The following SNX14 variants were observed in gnomAD, a reference collection of about 807,000 sequenced individuals.
SNX14 encodes sorting nexin-14.
SNX14 carries 93 observed loss-of-function variants against 133.8 expected under a neutral mutation model. The ratio of observed to expected loss-of-function variants is 0.70; its 90% CI spans 0.59 to 0.83. The LOEUF is 0.83. Among genes scored for constraint, SNX14 ranks in the 40% least tolerant of loss-of-function variants. The probability of loss-of-function intolerance (pLI) is 0.00; values close to 1 mark genes in which losing one functional copy is unlikely to be tolerated. For synonymous variants in SNX14, 368 were observed against 365.6 expected (o/e 1.01, Z -0.07); for missense variants, 945 against 1,094.9 (o/e 0.86, Z 1.93).
Position 85,533,804 on chromosome 6 carries a change from G to C in SNX14, c.1609-4C>G. 1 of 1,606,466 alleles carries C rather than the reference G, an allele frequency of 6.2e-7. No homozygotes were observed. Among genetic ancestry groups the C allele is most frequent in the East Asian group, 2.2e-5 (1 of 44,816 alleles). On this transcript the variant is annotated splice_region_variant and splice_polypyrimidine_tract_variant and intron_variant, in intron 17 of 28. Transcript: ENST00000314673. ...TTACAACAATACCTTCTTCAATCTG[G>C]AAAAAAATTACCAGGATGAATTTAA...
intron 1 of SNX14, chr6:85,589,709 C>T (rs59510078): frequency 6.6e-6 from 1 of 152,330 alleles, no homozygotes; most frequent in African/African-American, 2.4e-5. Flanking sequence ...CCTTGATTGG[C>T]TCTGGTGTAA....
intron 1 of SNX14, among the ~76,000 whole-genome samples, chr6:85,583,275 T>A (rs572347917): frequency 4.6e-5 from 7 of 152,322 alleles, no homozygotes; most frequent in Admixed American, 2.0e-4. Flanking sequence ...ATAAGAGTTA[T>A]TTATGACAAA....
At chr6:85,574,407 A>T (rs1356397664) in intron 1 of SNX14, 29 bp from the exon 2 acceptor site, 4 of 1,462,316 alleles carry the variant, frequency 2.7e-6, no homozygotes, top group Non-Finnish European at 3.7e-6. Flanking sequence ...TAATTATTAC[A>T]ACCAAAGAAA....
At chr6:85,574,185 A>AGCAG in intron 2 of SNX14, 73 bp downstream of exon 2, 1 of 1,179,888 alleles carries the variant, frequency 8.5e-7, no homozygotes, top group Non-Finnish European at 1.1e-6. Flanking sequence ...ATACTGCTTT[A>AGCAG]GCAGGCTTTC....
rs377191470 is a variant in SNX14 at position 85,547,570 on chromosome 6, A to C, written c.868-20T>G. 1 of 1,556,050 alleles carries C rather than the reference A, an allele frequency of 6.4e-7. No homozygotes were observed. The highest frequency in any genetic ancestry group is 8.7e-7 in the Non-Finnish European group (1 of 1,146,616). Reference sequence around the variant, plus strand: ...AGTATCCTAGTGGAAAATAATAAACATAAGTCAAAATAATTCCACTACTGT... The same window carrying C: ...AGTATCCTAGTGGAAAATAATAAACCTAAGTCAAAATAATTCCACTACTGT... On this transcript the variant is annotated intron_variant, in intron 9 of 28. Transcript: ENST00000314673.
intron 26 of SNX14, chr6:85,508,262 C>G (rs1668638083): frequency 9.2e-6 from 11 of 1,193,048 alleles, no homozygotes; most frequent in Non-Finnish European, 1.1e-5. Context: ...ATCATGTATC[C>G]CATTTTTGGA....
At position 85,550,985 on chromosome 6, in the gene SNX14, T is replaced by C. The variant is rs1195662927; in HGVS notation, c.635-1106A>G. Among the ~76,000 whole-genome samples the C allele has an allele frequency of 2.6e-5, 4 of 152,222 alleles. No homozygotes were observed. The Middle Eastern group carries it at 0.01, about 388-fold the overall frequency. ...TTGTAGAGACAGGGTTTCACCATGT[T>C]GGCCAGGCTGGTCTGGAACTCCTGA... On this transcript the variant is annotated intron_variant, in intron 7 of 28. Transcript: ENST00000314673.
intron 12 of SNX14, among the ~76,000 whole-genome samples, chr6:85,546,732 G>A (rs149838777): frequency 0.01 from 1,562 of 152,196 alleles, 25 homozygotes; most frequent in African/African-American, 0.035. Flanking sequence ...GGAGGCCGAG[G>A]TGGGTGGATC....
intron 1 of SNX14, among the ~76,000 whole-genome samples, chr6:85,586,741 C>CT (rs996162088): frequency 7.3e-4 from 111 of 151,306 alleles, no homozygotes; most frequent in Non-Finnish European, 1.1e-3. Context: ...ACTTTTTTTT[C>CT]TTTTTTTGGT....
chr6:85,587,497 C>T (rs571215689), intron 1 of SNX14, among the ~76,000 whole-genome samples: 2 of 152,282 alleles, frequency 1.3e-5, no homozygotes, highest in African/African-American at 4.8e-5. Flanking sequence ...CAGAGTCTCG[C>T]TCTGTCATCC....
At chr6:85,547,927 A>G (rs1437671839) in intron 9 of SNX14, among the ~76,000 whole-genome samples, 1 of 152,220 alleles carries the variant, frequency 6.6e-6, no homozygotes, top group African/African-American at 2.4e-5. Flanking sequence ...AAAAGGAAGG[A>G]AATTCTGACA....
intron 7 of SNX14, among the ~76,000 whole-genome samples, chr6:85,554,893 C>G (rs1300014052): frequency 6.6e-6 from 1 of 151,984 alleles, no homozygotes; most frequent in South Asian, 2.1e-4. Context: ...GATCATAGCT[C>G]ACTGCAGTCT....
intron 21 of SNX14, among the ~76,000 whole-genome samples, 187 bp from the exon 22 acceptor site, chr6:85,518,235 T>A (rs1017621192): frequency 2.0e-5 from 3 of 152,154 alleles, no homozygotes; most frequent in Non-Finnish European, 2.9e-5. Context: ...TATTTATAGA[T>A]AGAATATTTG....
At chr6:85,580,622 G>C (rs1196290356) in intron 1 of SNX14, among the ~76,000 whole-genome samples, 1 of 152,076 alleles carries the variant, frequency 6.6e-6, no homozygotes, top group African/African-American at 2.4e-5. Context: ...CCTGAAAGGT[G>C]AGTTGCAGGC....
intron 18 of SNX14, 33 bp from the exon 19 acceptor site, chr6:85,530,308 A>C: frequency 2.3e-6 from 3 of 1,320,038 alleles, no homozygotes; most frequent in Non-Finnish European, 3.2e-6. Context: ...CTGAGTAACA[A>C]ATAATTTCAA....
In SNX14 at chr6:85,558,067, A is replaced by C. The variant is rs1488751966; in HGVS notation, c.550-7T>G. 3 of 1,424,786 alleles carry C rather than the reference A, an allele frequency of 2.1e-6. No individual in the cohort carries two copies. In the South Asian group the frequency reaches 3.6e-5, roughly 17 times the overall value. The allele number at this position is 1,424,786 out of a possible 1,614,324, so 88.3% of individuals were successfully genotyped here. On this transcript the variant is annotated splice_polypyrimidine_tract_variant and splice_region_variant and intron_variant, in intron 6 of 28. Coordinates refer to ENST00000314673, the MANE Select transcript of SNX14 (RefSeq NM_153816.6). ...TAATAGATGGAATATCCACCTAGAA[A>C]AATTCAAGATTAAAACTTTTAAAAT...
rs374309128 is a variant in SNX14, at chr6:85,572,406, A to G, written c.262-32T>C. On this transcript the variant is annotated intron_variant, in intron 2 of 28. Coordinates refer to ENST00000314673, the MANE Select transcript of SNX14 (RefSeq NM_153816.6). ...AAGGAAAATGAGAGGTGGTGGGGAGATCCATCTTTACATAACATCTTTATT... is the reference window on the plus strand; with the variant it reads ...AAGGAAAATGAGAGGTGGTGGGGAGGTCCATCTTTACATAACATCTTTATT... 1.8e-5 allele frequency: 26 copies of G among 1,479,690 alleles called. No homozygotes were observed. In the African/African-American group the frequency reaches 3.5e-4, roughly 20 times the overall value. The allele number at this position is 1,479,690 out of a possible 1,614,324, so 91.7% of individuals were successfully genotyped here.
At chr6:85,582,785 C>T (rs561417116) in intron 1 of SNX14, among the ~76,000 whole-genome samples, 3 of 152,060 alleles carry the variant, frequency 2.0e-5, no homozygotes, top group East Asian at 3.9e-4. Context: ...AATTAATAGC[C>T]TACCAACCAA....
intron 21 of SNX14, among the ~76,000 whole-genome samples, chr6:85,520,751 T>C (rs1442364239): frequency 6.6e-6 from 1 of 152,240 alleles, no homozygotes; most frequent in Non-Finnish European, 1.5e-5. Flanking sequence ...ATATATTCTT[T>C]CATGTTTTGT....
Sources: allele counts gnomAD v4.1 joint callset (sites outside exome capture counted in the v4.1 genomes callset), GRCh38; gene constraint gnomAD v4.1.1; transcripts MANE v1.5; gene names NCBI Gene and HGNC (gene_info 2026-07-23, HGNC 2026-07-21).